The following USH2A variants were observed in gnomAD, a reference collection of about 807,000 sequenced individuals.
USH2A encodes the protein usherin.
Under a neutral mutation model 538.9 loss-of-function variants are expected in USH2A, and 443 were observed. The ratio of observed to expected loss-of-function variants is 0.82; its 90% CI spans 0.76 to 0.89. The LOEUF is 0.89. Among genes scored for constraint, USH2A ranks in the 40% least tolerant of loss-of-function variants. The probability of loss-of-function intolerance (pLI) is 0.00; values close to 1 mark genes in which losing one functional copy is unlikely to be tolerated. For missense variants in USH2A, 6,633 were observed against 6,324.8 expected (o/e 1.05, Z -1.65); for synonymous variants, 2,413 against 2,273.5 (o/e 1.06, Z -1.75).
At chr1:216,019,015 G>A (rs970244264) in intron 32 of USH2A, among the ~76,000 whole-genome samples, 37 of 152,116 alleles carry the variant, frequency 2.4e-4, no homozygotes, top group South Asian at 1.7e-3. Context: ...AAAGTATTTT[G>A]TTCTAGTTTG....
intron 21 of USH2A, chr1:216,174,278 A>T: frequency 1.0e-6 from 1 of 981,284 alleles, no homozygotes; most frequent in Non-Finnish European, 1.2e-6. Flanking sequence ...TTAAATGAAC[A>T]TCTTTATGAG....
chr1:216,085,361 AGAC>A (rs1480212061), intron 24 of USH2A, among the ~76,000 whole-genome samples: 3 of 151,670 alleles, frequency 2.0e-5, no homozygotes, highest in African/African-American at 7.3e-5. Context: ...GGAACTCTCC[AGAC>A]CAGGTAGAGG....
intron 44 of USH2A, among the ~76,000 whole-genome samples, chr1:215,862,726 T>C (rs1325169028): frequency 6.6e-6 from 1 of 152,210 alleles, no homozygotes; most frequent in African/African-American, 2.4e-5. Context: ...ACTAGGTGAT[T>C]ACTAATTGTT....
At position 215,768,439 on chromosome 1, in the gene USH2A, C is replaced by T. The variant is rs865874447; in HGVS notation, c.10940-1651G>A. 1.3e-4 allele frequency among the ~76,000 whole-genome samples: 20 copies of T among 151,380 alleles called. No individual in the cohort carries two copies. In the South Asian group the frequency reaches 2.7e-3, roughly 20 times the overall value. On this transcript the variant is annotated intron_variant, in intron 55 of 71. Coordinates refer to ENST00000307340, the MANE Select transcript of USH2A (RefSeq NM_206933.4). ...AAGCAATAATGTTCTGCAGCTGGAG[C>T]TGCTCCAAGGTTTAGCTTCAGAGCC...
chr1:216,055,066 C>T (rs774279684), intron 30 of USH2A, among the ~76,000 whole-genome samples: 1 of 151,938 alleles, frequency 6.6e-6, no homozygotes, highest in Non-Finnish European at 1.5e-5. Flanking sequence ...GAGAATTTAT[C>T]TCTCATTTTT....
chr1:216,380,205 T>C (rs994938025), intron 3 of USH2A, among the ~76,000 whole-genome samples: 3 of 152,076 alleles, frequency 2.0e-5, no homozygotes, highest in Non-Finnish European at 2.9e-5. Context: ...AGGGTAGATA[T>C]TGGGAAGGAA....
chr1:216,286,906 T>C (rs983935430), intron 11 of USH2A, among the ~76,000 whole-genome samples: 2 of 152,276 alleles, frequency 1.3e-5, no homozygotes, highest in Non-Finnish European at 2.9e-5. Context: ...GCATTTCTTA[T>C]AGAAAAACAA....
chr1:216,269,369 C>T (rs2036533722), intron 11 of USH2A, among the ~76,000 whole-genome samples: 2 of 152,100 alleles, frequency 1.3e-5, no homozygotes, highest in Non-Finnish European at 2.9e-5. Context: ...TCCTCTTTGC[C>T]TTCTGCCATG....
chr1:216,138,257 T>C (rs1332027545), intron 21 of USH2A, among the ~76,000 whole-genome samples: 1 of 152,146 alleles, frequency 6.6e-6, no homozygotes, highest in Non-Finnish European at 1.5e-5. Flanking sequence ...AAATTGCTGT[T>C]CAAGTAAGCC....
At chr1:216,164,261 A>G (rs1022218970) in intron 21 of USH2A, among the ~76,000 whole-genome samples, 1 of 152,166 alleles carries the variant, frequency 6.6e-6, no homozygotes, top group Non-Finnish European at 1.5e-5. Flanking sequence ...AACACAGTTT[A>G]GGGAAAATAG....
chr1:216,041,204 C>A (rs1245872691), intron 32 of USH2A, among the ~76,000 whole-genome samples: 1 of 152,006 alleles, frequency 6.6e-6, no homozygotes, highest in Admixed American at 6.6e-5. Context: ...CAAACATCAA[C>A]AGCCTTCGGG....
chr1:215,651,364 TAGAC>T (rs899368011), intron 64 of USH2A, among the ~76,000 whole-genome samples: 36 of 152,176 alleles, frequency 2.4e-4, no homozygotes, highest in African/African-American at 8.4e-4. Flanking sequence ...TCAGGTACAA[TAGAC>T]AGAGTAGATG....
intron 44 of USH2A, among the ~76,000 whole-genome samples, chr1:215,854,098 T>G (rs536604017): frequency 6.6e-6 from 1 of 152,258 alleles, no homozygotes; most frequent in East Asian, 1.9e-4. Flanking sequence ...ATTGGGCAAT[T>G]TACAAAAGAA....
chr1:215,996,955 T>C (rs1164323967), intron 34 of USH2A, among the ~76,000 whole-genome samples: 1 of 152,136 alleles, frequency 6.6e-6, no homozygotes, highest in Non-Finnish European at 1.5e-5. Context: ...TTGTTATCTT[T>C]ATGTTTTGTT....
At chr1:216,105,563 C>G (rs2032710740) in intron 21 of USH2A, among the ~76,000 whole-genome samples, 1 of 151,718 alleles carries the variant, frequency 6.6e-6, no homozygotes, top group South Asian at 2.1e-4. Context: ...GCTCAGTTTG[C>G]CATTTTTTTA....
At chr1:216,374,241 C>T (rs918561671) in intron 3 of USH2A, among the ~76,000 whole-genome samples, 8 of 150,456 alleles carry the variant, frequency 5.3e-5, no homozygotes, top group African/African-American at 1.7e-4. Flanking sequence ...TACCCTAAAA[C>T]TTAAAGTATA....
chr1:216,081,180 GGGTATT>G (rs2031930695), intron 26 of USH2A, among the ~76,000 whole-genome samples: 1 of 152,094 alleles, frequency 6.6e-6, no homozygotes, highest in African/African-American at 2.4e-5. Flanking sequence ...CACAAGATCA[GGGTATT>G]GGTAGAAATA....
At chr1:215,688,835 T>C (rs1017909032) in intron 61 of USH2A, among the ~76,000 whole-genome samples, 1 of 151,998 alleles carries the variant, frequency 6.6e-6, no homozygotes, top group Non-Finnish European at 1.5e-5. Context: ...GGCTCCAGTG[T>C]ATGCATTTTG....
intron 35 of USH2A, among the ~76,000 whole-genome samples, chr1:215,992,268 T>C (rs1166104111): frequency 6.6e-6 from 1 of 152,220 alleles, no homozygotes; most frequent in Admixed American, 6.5e-5. Context: ...TGAAATTTAA[T>C]GTCAAGTAAG....
Sources: allele counts gnomAD v4.1 joint callset (sites outside exome capture counted in the v4.1 genomes callset), GRCh38; gene constraint gnomAD v4.1.1; transcripts MANE v1.5; gene names NCBI Gene and HGNC (gene_info 2026-07-23, HGNC 2026-07-21).